HLCS: variants seen among roughly 807,000 people sequenced by gnomAD.
HLCS encodes biotin--protein ligase.
A neutral mutation model predicts 75.0 loss-of-function variants in HLCS; 53 were observed. That is an observed-to-expected ratio of 0.71 (90% CI 0.57 to 0.89). The LOEUF (loss-of-function observed/expected upper bound fraction) is 0.89. HLCS is among the 40% of genes least tolerant of loss of function. HLCS has a pLI of 0.00. For synonymous variants in HLCS, 431 were observed against 428.6 expected, an observed-to-expected ratio of 1.01 and a Z score of -0.07; for missense variants, 966 against 1,074.0, an observed-to-expected ratio of 0.90 and a Z score of 1.41.
In HLCS at chr21:36,819,367, G is replaced by A. The variant is rs115560547; in HGVS notation, c.1893-52082C>T. Among the ~76,000 whole-genome samples the A allele has an allele frequency of 4.0e-3, 616 of 152,246 alleles. 6 individuals carry two copies. The highest frequency in any genetic ancestry group is 0.013 in the African/African-American group (559 of 41,534). ...ATGATCCTGCCCACTTTGTTTCCAC[G>A]CTTCATAATGAACACCTGTGCTGCA... is the stretch of plus-strand genomic sequence containing the variant. On this transcript the variant is annotated intron_variant, in intron 6 of 10. Coordinates refer to ENST00000674895, the MANE Select transcript of HLCS (RefSeq NM_001352514.2).
chr21:36,881,250 G>A (rs532517517), intron 6 of HLCS, among the ~76,000 whole-genome samples: 3 of 152,212 alleles, frequency 2.0e-5, no homozygotes, highest in African/African-American at 4.8e-5. Context: ...GATTACAGAC[G>A]TGAGCCACCA....
chr21:36,877,380 T>C (rs558626542), intron 6 of HLCS, among the ~76,000 whole-genome samples: 92 of 152,304 alleles, frequency 6.0e-4, no homozygotes, highest in African/African-American at 2.2e-3. Context: ...ATTTTATCTA[T>C]TGGCTTTTGA....
chr21:36,968,549 T>A (rs1416877047), upstream of HLCS: 1 of 152,210 alleles, frequency 6.6e-6, no homozygotes, highest in Admixed American at 6.5e-5. Flanking sequence ...TACACTTCTC[T>A]ACAGGACAGT....
At chr21:36,838,298 T>TCA (rs148428941) in intron 6 of HLCS, among the ~76,000 whole-genome samples, 5,672 of 127,268 alleles carry the variant, frequency 0.045, 185 homozygotes, top group African/African-American at 0.12. Flanking sequence ...GGGTGAATGA[T>TCA]CACACACACA....
intron 2 of HLCS, among the ~76,000 whole-genome samples, chr21:36,940,424 G>A (rs780307077): frequency 2.6e-5 from 4 of 152,034 alleles, no homozygotes; most frequent in Non-Finnish European, 4.4e-5. Context: ...TAATTCTCCC[G>A]CCTCAGCCTC....
At position 36,888,484 on chromosome 21, in the gene HLCS, ATATATATATATATT is replaced by A. The variant is rs1263051063; in HGVS notation, c.1892+8362_1892+8375del. On this transcript the variant is annotated intron_variant, in intron 6 of 10. Coordinates refer to ENST00000674895, the MANE Select transcript of HLCS (RefSeq NM_001352514.2). ...TATATATATATATATATATATATAT[ATATATATATATATT>A]TATTTATTTATTTTATGGGATTGTG... 2.6e-3 allele frequency among the ~76,000 whole-genome samples: 242 copies of A among 92,294 alleles called. 5 individuals carry two copies. The highest frequency in any genetic ancestry group is 3.8e-3 in the African/African-American group (90 of 23,928). The allele number at this position is 92,294 out of a possible 152,430, so 60.5% of individuals were successfully genotyped here. A position where few individuals can be genotyped will look rare whatever the true frequency, so the allele number is the denominator to read the frequency against.
chr21:36,817,283 A>G (rs2061691377), intron 6 of HLCS, among the ~76,000 whole-genome samples: 1 of 152,166 alleles, frequency 6.6e-6, no homozygotes, highest in African/African-American at 2.4e-5. Context: ...GTCTTTGCTC[A>G]GTCTGGATTT....
chr21:36,843,426 A>G (rs1044073423), intron 6 of HLCS, among the ~76,000 whole-genome samples: 4 of 152,170 alleles, frequency 2.6e-5, no homozygotes, highest in Non-Finnish European at 5.9e-5. Flanking sequence ...CGACAGAGAG[A>G]GACCCTGTCC....
intron 6 of HLCS, among the ~76,000 whole-genome samples, chr21:36,838,214 T>C (rs779408673): frequency 6.6e-6 from 1 of 151,888 alleles, no homozygotes; most frequent in African/African-American, 2.4e-5. Context: ...TACATTCCCT[T>C]GCCCTCTTGC....
At chr21:36,779,808 A>C (rs2060473551) in intron 6 of HLCS, among the ~76,000 whole-genome samples, 1 of 152,022 alleles carries the variant, frequency 6.6e-6, no homozygotes, top group African/African-American at 2.4e-5. Context: ...CCCCACACCC[A>C]AACCCCACCA....
At chr21:36,942,298 G>C (rs1231336804) in intron 2 of HLCS, among the ~76,000 whole-genome samples, 1 of 151,388 alleles carries the variant, frequency 6.6e-6, no homozygotes, top group African/African-American at 2.4e-5. Flanking sequence ...GGCCAGGCTC[G>C]GAGGCTCACG....
intron 6 of HLCS, among the ~76,000 whole-genome samples, chr21:36,856,199 T>C (rs1236541176): frequency 6.6e-6 from 1 of 152,218 alleles, no homozygotes; most frequent in African/African-American, 2.4e-5. Flanking sequence ...CCGAATTAAT[T>C]GTATGCTTTA....
Position 36,754,401 on chromosome 21 carries a change from G to A in HLCS, c.2467C>T (p.Leu823=), listed in dbSNP as rs2123556668. The A allele has an allele frequency of 1.2e-6, 2 of 1,613,000 alleles. No individual in the cohort carries two copies. The highest frequency in any genetic ancestry group is 1.7e-6 in the Non-Finnish European group (2 of 1,179,932). The change falls in exon 11 of 11, where the codon CTG becomes TTG. Residue 823 remains leucine (L), a synonymous_variant. Coordinates refer to ENST00000674895, the MANE Select transcript of HLCS (RefSeq NM_001352514.2). ...ACCTTTGGTCCCTCTGCGCTGCCCA[G>A]ATGGACTTGCTGACCACTGAAAAGG... The part of the protein sequence containing the change: ...YWVHSGQQVH[L]GSAEGPKVSI...
intron 2 of HLCS, among the ~76,000 whole-genome samples, chr21:36,940,764 G>A (rs1278802093): frequency 1.3e-5 from 2 of 152,316 alleles, no homozygotes; most frequent in Admixed American, 1.3e-4. Flanking sequence ...TAGACATATA[G>A]AGATATGGTT....
intron 1 of HLCS, among the ~76,000 whole-genome samples, chr21:36,965,298 G>T (rs1175541594): frequency 2.0e-5 from 3 of 152,090 alleles, no homozygotes; most frequent in Non-Finnish European, 2.9e-5. Flanking sequence ...CAGAGGAAAG[G>T]GACAAGAAAC....
intron 2 of HLCS, among the ~76,000 whole-genome samples, chr21:36,958,075 A>C (rs1347913134): frequency 6.6e-6 from 1 of 151,000 alleles, no homozygotes; most frequent in Non-Finnish European, 1.5e-5. Context: ...AAAATACAAT[A>C]AATAAATAAA....
intron 2 of HLCS, among the ~76,000 whole-genome samples, chr21:36,950,630 T>C (rs1161333741): frequency 9.0e-6 from 1 of 111,116 alleles, no homozygotes; most frequent in Non-Finnish European, 1.9e-5. Flanking sequence ...CTACCATGCC[T>C]GGCTAAATTT....
intron 5 of HLCS, among the ~76,000 whole-genome samples, chr21:36,900,131 CA>C (rs201794758): frequency 2.0e-5 from 3 of 150,964 alleles, no homozygotes; most frequent in African/African-American, 4.9e-5. Context: ...CAAAAAACAA[CA>C]AAAAAAACAA....
chr21:36,937,893 AC>A (rs2146531833), intron 3 of HLCS, among the ~76,000 whole-genome samples: 1 of 152,338 alleles, frequency 6.6e-6, no homozygotes, highest in East Asian at 1.9e-4. Context: ...GTTGACAATC[AC>A]TAATTCAAAA....
Sources: allele counts gnomAD v4.1 joint callset (sites outside exome capture counted in the v4.1 genomes callset), GRCh38; gene constraint gnomAD v4.1.1; transcripts MANE v1.5; gene names NCBI Gene and HGNC (gene_info 2026-07-23, HGNC 2026-07-21).